Variants in PRKAG2 observed in about 807,000 individuals in gnomAD.
PRKAG2 encodes the protein 5'-AMP-activated protein kinase subunit gamma-2.
In PRKAG2, 26 loss-of-function variants were observed where a neutral mutation model predicts 69.6. The ratio of observed to expected loss-of-function variants is 0.37; its 90% CI spans 0.27 to 0.52. The LOEUF is 0.52. PRKAG2 is among the 20% of genes least tolerant of loss of function. The pLI is 0.90. For synonymous variants in PRKAG2, 293 were observed against 285.0 expected (o/e 1.03, Z -0.28); for missense variants, 557 against 740.0 (o/e 0.75, Z 2.87).
At chr7:151,692,124 G>C (rs1835759379) in intron 3 of PRKAG2, among the ~76,000 whole-genome samples, 1 of 152,042 alleles carries the variant, frequency 6.6e-6, no homozygotes. Context: ...GGAGTTCAAG[G>C]CTGCAGTGAG....
chr7:151,870,739 G>A (rs1370336851), intron 1 of PRKAG2, among the ~76,000 whole-genome samples: 4 of 152,212 alleles, frequency 2.6e-5, no homozygotes, highest in Non-Finnish European at 4.4e-5. Flanking sequence ...AAGGTCCCAG[G>A]CCATCACCAG....
intron 4 of PRKAG2, among the ~76,000 whole-genome samples, chr7:151,643,777 T>C (rs1827137890): frequency 6.6e-6 from 1 of 152,178 alleles, no homozygotes; most frequent in Non-Finnish European, 1.5e-5. Flanking sequence ...TAAAGAATGA[T>C]TTGTAGTGTC....
intron 4 of PRKAG2, among the ~76,000 whole-genome samples, chr7:151,641,220 G>A (rs992805717): frequency 3.4e-5 from 5 of 147,200 alleles, no homozygotes; most frequent in African/African-American, 1.3e-4. Flanking sequence ...TACAATTTCA[G>A]CTTTTTTGTT....
chr7:151,854,033 C>T (rs1343380074), intron 1 of PRKAG2, among the ~76,000 whole-genome samples: 1 of 152,168 alleles, frequency 6.6e-6, no homozygotes, highest in Admixed American at 6.5e-5. Flanking sequence ...CCGCTGGGGA[C>T]AGCTGGGTCA....
At chr7:151,705,200 G>C (rs577487690) in intron 3 of PRKAG2, among the ~76,000 whole-genome samples, 2 of 152,340 alleles carry the variant, frequency 1.3e-5, no homozygotes, top group Non-Finnish European at 2.9e-5. Flanking sequence ...AAAATGTTCA[G>C]GTTATCAAGC....
At position 151,756,269 on chromosome 7, in the gene PRKAG2, G is replaced by C. The variant is rs924821607; in HGVS notation, c.466+24883C>G. The stretch of plus-strand genomic sequence containing the variant: ...AGGAACACACACCACACACGTGACT[G>C]CAACGAAGGAAGTGTGGGTTCCTTT... On this transcript the variant is annotated intron_variant, in intron 3 of 15. Transcript: ENST00000287878. The surrounding 1 kb of genome is among the most constrained non-coding windows in gnomAD (Gnocchi z 4.9). Among the ~76,000 whole-genome samples the C allele has an allele frequency of 2.0e-4, 31 of 152,324 alleles. No individual in the cohort carries two copies. Among genetic ancestry groups the C allele is most frequent in the African/African-American group, 7.5e-4 (31 of 41,578 alleles).
At chr7:151,733,474 T>C (rs1043876734) in intron 3 of PRKAG2, among the ~76,000 whole-genome samples, 1 of 152,264 alleles carries the variant, frequency 6.6e-6, no homozygotes, top group Non-Finnish European at 1.5e-5. Flanking sequence ...GGGAAGCCAC[T>C]GTCTGGCACA....
intron 3 of PRKAG2, among the ~76,000 whole-genome samples, chr7:151,733,623 G>A (rs4726088): frequency 0.4 from 61,165 of 151,778 alleles, 12,732 homozygotes; most frequent in East Asian, 0.56. Context: ...TTTTTAGACC[G>A]TGTTAGTGAG....
Position 151,568,775 on chromosome 7 carries a change from T to C in PRKAG2, c.1174A>G (p.Ser392Gly). The change falls in exon 11 of 16, where the codon AGT becomes GGT. Residue 392 changes from serine to glycine, a missense_variant. Ser to Gly is a moderately conservative substitution (Grantham distance 56). Coordinates refer to ENST00000287878, the MANE Select transcript of PRKAG2 (RefSeq NM_016203.4). The stretch of plus-strand genomic sequence containing the variant: ...GTAAGTATATAAAGTGCATTCCCAC[T>C]GATAGGGTCAATAACGGGCAATCTG... ...IHRLPVIDPI[S>G]GNALYILTHK... 2 of 1,613,930 alleles carry C rather than the reference T, an allele frequency of 1.2e-6. No individual in the cohort carries two copies. The highest frequency in any genetic ancestry group is 1.7e-6 in the Non-Finnish European group (2 of 1,179,822).
chr7:151,605,605 T>C (rs6958586), intron 5 of PRKAG2, among the ~76,000 whole-genome samples: 6,731 of 150,832 alleles, frequency 0.045, 479 homozygotes, highest in African/African-American at 0.15. Flanking sequence ...TGCATAGTGG[T>C]GCATGCCTGT....
chr7:151,703,904 AC>A (rs1563476552), intron 3 of PRKAG2, among the ~76,000 whole-genome samples: 2 of 136,382 alleles, frequency 1.5e-5, no homozygotes, highest in Non-Finnish European at 3.1e-5. Context: ...ACACACACAC[AC>A]ACACAAATTA....
chr7:151,833,369 C>T (rs1343772647), intron 1 of PRKAG2, among the ~76,000 whole-genome samples: 1 of 152,130 alleles, frequency 6.6e-6, no homozygotes, highest in African/African-American at 2.4e-5. Flanking sequence ...CTGAGCAGGA[C>T]AGGGTGTGAC....
intron 4 of PRKAG2, among the ~76,000 whole-genome samples, chr7:151,670,577 T>C (rs1441346272): frequency 6.6e-6 from 1 of 152,158 alleles, no homozygotes; most frequent in African/African-American, 2.4e-5. Flanking sequence ...CTTCCACTCA[T>C]CAAGATAGGA....
At chr7:151,667,026 A>C (rs1831148845) in intron 4 of PRKAG2, among the ~76,000 whole-genome samples, 1 of 152,144 alleles carries the variant, frequency 6.6e-6, no homozygotes, top group African/African-American at 2.4e-5. Flanking sequence ...GGCTAAAGAG[A>C]GCTGCCTTGC....
At chr7:151,602,641 G>C (rs1816388546) in intron 5 of PRKAG2, among the ~76,000 whole-genome samples, 1 of 152,116 alleles carries the variant, frequency 6.6e-6, no homozygotes, top group Non-Finnish European at 1.5e-5. Context: ...CTCCATATCA[G>C]GTTCCCCCAA....
intron 3 of PRKAG2, among the ~76,000 whole-genome samples, chr7:151,690,242 G>A (rs1323891130): frequency 6.6e-6 from 1 of 152,180 alleles, no homozygotes; most frequent in Admixed American, 6.5e-5. Flanking sequence ...CCTCTTGCTA[G>A]GGAGCTTGGA....
chr7:151,571,011 T>A lies in PRKAG2; in HGVS notation c.1052-786A>T, dbSNP rs577547316. Among the ~76,000 whole-genome samples, 14 of 152,068 alleles carry A rather than the reference T, an allele frequency of 9.2e-5. No individual in the cohort carries two copies. In the East Asian group the frequency reaches 2.7e-3, roughly 29 times the overall value. On this transcript the variant is annotated intron_variant, in intron 9 of 15. Coordinates refer to ENST00000287878, the MANE Select transcript of PRKAG2 (RefSeq NM_016203.4). ...GTCTCGCACTCCTGACCTCAAGTGA[T>A]CCACCTACTTCAGCCTCCCAAAGTG...
At chr7:151,765,352 T>C (rs1202037748) in intron 3 of PRKAG2, among the ~76,000 whole-genome samples, 1 of 152,206 alleles carries the variant, frequency 6.6e-6, no homozygotes, top group Non-Finnish European at 1.5e-5. Flanking sequence ...ACTCATTCAC[T>C]ATCGCCAGAA....
At chr7:151,768,379 G>A (rs2075848280) in intron 3 of PRKAG2, among the ~76,000 whole-genome samples, 1 of 152,206 alleles carries the variant, frequency 6.6e-6, no homozygotes, top group South Asian at 2.1e-4. Context: ...AACCCCATTA[G>A]CAACGGCAAA....
Sources: allele counts gnomAD v4.1 joint callset (sites outside exome capture counted in the v4.1 genomes callset), GRCh38; gene constraint gnomAD v4.1.1; non-coding constraint Gnocchi (gnomAD v3.1); transcripts MANE v1.5; gene names NCBI Gene and HGNC (gene_info 2026-07-23, HGNC 2026-07-21).